The following PGM5 variants were observed in gnomAD, a reference collection of about 807,000 sequenced individuals.
PGM5 encodes the protein phosphoglucomutase-like protein 5.
A neutral mutation model predicts 59.2 loss-of-function variants in PGM5; 23 were observed. The ratio of observed to expected loss-of-function variants is 0.39; its 90% CI spans 0.28 to 0.55. The LOEUF is 0.55. Ranked by LOEUF, PGM5 falls within the 20% of genes least tolerant of loss-of-function variation. The pLI, the probability that PGM5 is intolerant of heterozygous loss-of-function variation, is 0.66. For missense variants in PGM5, 574 were observed against 748.3 expected, an observed-to-expected ratio of 0.77 and a Z score of 2.72; for synonymous variants, 214 against 286.0, an observed-to-expected ratio of 0.75 and a Z score of 2.54.
intron 6 of PGM5, among the ~76,000 whole-genome samples, chr9:68,430,003 T>A (rs1471802792): frequency 6.6e-6 from 1 of 152,222 alleles, no homozygotes; most frequent in Non-Finnish European, 1.5e-5. Context: ...TGAGGTTGGT[T>A]TTGTTTCCTT....
chr9:68,456,807 G>T (rs1823787072), intron 6 of PGM5, among the ~76,000 whole-genome samples: 1 of 151,536 alleles, frequency 6.6e-6, no homozygotes, highest in Non-Finnish European at 1.5e-5. Flanking sequence ...TGTATTTTTA[G>T]TAGAAATGGG....
chr9:68,520,643 C>A (rs559758742), intron 10 of PGM5, among the ~76,000 whole-genome samples: 1 of 152,184 alleles, frequency 6.6e-6, no homozygotes, highest in African/African-American at 2.4e-5. Context: ...AAAATGAAAA[C>A]AAAATTGACA....
At chr9:68,405,428 G>C (rs879959928) in intron 6 of PGM5, 1 of 152,426 alleles carries the variant, frequency 6.6e-6, no homozygotes, top group African/African-American at 2.4e-5. Flanking sequence ...CAGTTCTGGA[G>C]GGGGAATTCA....
At chr9:68,432,357 C>T (rs1411643633) in intron 6 of PGM5, among the ~76,000 whole-genome samples, 1 of 151,792 alleles carries the variant, frequency 6.6e-6, no homozygotes, top group Non-Finnish European at 1.5e-5. Flanking sequence ...AGCGCCACCA[C>T]ACCCAGCAAA....
At chr9:68,475,386 G>A (rs376889655) in intron 7 of PGM5, among the ~76,000 whole-genome samples, 1 of 151,790 alleles carries the variant, frequency 6.6e-6, no homozygotes, top group South Asian at 2.1e-4. Flanking sequence ...TTGTTATTGC[G>A]AAAATATTTA....
At chr9:68,482,689 A>G (rs912982768) in intron 8 of PGM5, among the ~76,000 whole-genome samples, 1 of 152,168 alleles carries the variant, frequency 6.6e-6, no homozygotes, top group African/African-American at 2.4e-5. Context: ...TGCCCCTCCT[A>G]TGGCTTCCTT....
chr9:68,357,954 C>CACAA (rs1834500815), intron 1 of PGM5: 2 of 156,786 alleles, frequency 1.3e-5, no homozygotes, highest in African/African-American at 5.1e-5. Flanking sequence ...CACACACACA[C>CACAA]ACACACACAC....
intron 7 of PGM5, among the ~76,000 whole-genome samples, chr9:68,468,014 A>ACCCC (rs1554685963): frequency 1.3e-5 from 2 of 149,438 alleles, no homozygotes; most frequent in African/African-American, 5.0e-5. Context: ...CCTACAACCC[A>ACCCC]CCCTCCCTTC....
chr9:68,481,460 A>G (rs781948020), intron 8 of PGM5, among the ~76,000 whole-genome samples: 2 of 152,238 alleles, frequency 1.3e-5, no homozygotes, highest in Non-Finnish European at 1.5e-5. Flanking sequence ...CTGGCATACC[A>G]AGAGTTAATT....
chr9:68,416,769 C>T (rs1438540359), intron 6 of PGM5, among the ~76,000 whole-genome samples: 4 of 152,194 alleles, frequency 2.6e-5, no homozygotes, highest in South Asian at 2.1e-4. Flanking sequence ...GCTCAATTCT[C>T]GGGCTTTCTG....
intron 1 of PGM5, among the ~76,000 whole-genome samples, chr9:68,377,098 T>C (rs1821940385): frequency 6.6e-6 from 1 of 151,752 alleles, no homozygotes; most frequent in Admixed American, 6.6e-5. Context: ...AGCTAATTTT[T>C]GTATTTTTAG....
chr9:68,512,470 A>T (rs1448312925), intron 10 of PGM5, among the ~76,000 whole-genome samples: 1 of 152,162 alleles, frequency 6.6e-6, no homozygotes, highest in African/African-American at 2.4e-5. Flanking sequence ...GTCTGAGATG[A>T]GTGTGTTGAC....
At chr9:68,449,413 G>A (rs1318937692) in intron 6 of PGM5, among the ~76,000 whole-genome samples, 1 of 152,166 alleles carries the variant, frequency 6.6e-6, no homozygotes, top group African/African-American at 2.4e-5. Flanking sequence ...GCAAGCCTTT[G>A]GAGTCCCTGG....
At chr9:68,428,562 G>A (rs1182329149) in intron 6 of PGM5, 4 of 152,190 alleles carry the variant, frequency 2.6e-5, no homozygotes, top group Non-Finnish European at 5.9e-5. Flanking sequence ...CCTGAGCCAA[G>A]ATCACATCTT....
intron 6 of PGM5, among the ~76,000 whole-genome samples, chr9:68,455,235 C>A (rs951378474): frequency 1.3e-5 from 2 of 152,110 alleles, no homozygotes; most frequent in Admixed American, 1.3e-4. Context: ...CTGAACCCAC[C>A]ATGGACAGCT....
intron 6 of PGM5, among the ~76,000 whole-genome samples, chr9:68,439,457 A>G (rs1014538838): frequency 1.4e-5 from 2 of 146,282 alleles, no homozygotes; most frequent in Admixed American, 1.4e-4. Flanking sequence ...TATGTAAAAT[A>G]TATATATATT....
At chr9:68,467,077 G>C (rs1823946682) in intron 7 of PGM5, among the ~76,000 whole-genome samples, 1 of 152,148 alleles carries the variant, frequency 6.6e-6, no homozygotes, top group Non-Finnish European at 1.5e-5. Context: ...GAGCAGAAGG[G>C]CTTCATCCTT....
rs782323267 is a variant in PGM5 at position 68,484,052 on chromosome 9, C to T, written c.1479+4C>T. 21 of 1,611,852 alleles carry T rather than the reference C, an allele frequency of 1.3e-5. No individual in the cohort carries two copies. The Admixed American group carries it at 3.3e-4, about 26-fold the overall frequency. On this transcript the variant is annotated splice_donor_region_variant and intron_variant, in intron 9 of 10. Transcript: ENST00000396396. ...TGGCACTGTGACCAAGAAACAGGTA[C>T]TTGCTAGGAAATCACTACAACGGGT...
chr9:68,490,755 AGT>A (rs1203636121), intron 9 of PGM5, among the ~76,000 whole-genome samples: 5 of 152,188 alleles, frequency 3.3e-5, no homozygotes, highest in Non-Finnish European at 5.9e-5. Context: ...CATTTGCTGG[AGT>A]GTGGTTTGCG....
Sources: gnomAD v4.1 joint callset for allele counts (sites outside exome capture counted in the v4.1 genomes callset) on GRCh38, gnomAD v4.1.1 for gene constraint, MANE v1.5 for transcripts, NCBI Gene and HGNC (gene_info 2026-07-23, HGNC 2026-07-21) for gene names.